MTNAP1: variants seen among roughly 807,000 people sequenced by gnomAD.
The protein encoded by MTNAP1 is mitochondrial nucleoid-associated protein 1.
At chr17:73,235,710 A>C in the MTNAP1 span, 7 of 1,614,028 alleles carry the variant, frequency 4.3e-6, no homozygotes, top group Non-Finnish European at 5.9e-6. Flanking sequence ...AGAATGAAGA[A>C]AGAAATTCTA....
chr17:73,234,277 C>G, the MTNAP1 span, among the ~76,000 whole-genome samples: 1 of 151,272 alleles, frequency 6.6e-6, no homozygotes, highest in Non-Finnish European at 1.5e-5. Context: ...ATTTTCTTTT[C>G]TGGACTCTAA....
chr17:73,232,635 T>TTGGC, the MTNAP1 span: 144 of 261,268 alleles, frequency 5.5e-4, no homozygotes, highest in African/African-American at 2.5e-3. Context: ...ACGAGGTTCC[T>TTGGC]TGGCCGGGGG....
chr17:73,242,419 G>A, the MTNAP1 span: 10 of 1,108,644 alleles, frequency 9.0e-6, no homozygotes, highest in East Asian at 2.0e-4. Context: ...TTCTCTTCGG[G>A]CTGTTAAGCA....
chr17:73,247,419 C>T, the MTNAP1 span: 1 of 1,403,672 alleles, frequency 7.1e-7, no homozygotes, highest in Non-Finnish European at 1.0e-6. Context: ...CTGAATTGCC[C>T]TGTAACACCT....
chr17:73,240,137 G>A, the MTNAP1 span, among the ~76,000 whole-genome samples: 78,123 of 152,024 alleles, frequency 0.51, 20,163 homozygotes, highest in East Asian at 0.62. Flanking sequence ...AATTACCAAG[G>A]TTATGAGACA....
chr17:73,245,620 A>T, the MTNAP1 span: 1 of 985,452 alleles, frequency 1.0e-6, no homozygotes, highest in Non-Finnish European at 1.2e-6. Flanking sequence ...AATTGGCAGA[A>T]AATAAGCCCA....
At chr17:73,238,435 T>G in the MTNAP1 span, among the ~76,000 whole-genome samples, 1 of 152,240 alleles carries the variant, frequency 6.6e-6, no homozygotes, top group Non-Finnish European at 1.5e-5. Context: ...TCTGGTAGAT[T>G]TTGCAAATGA....
At chr17:73,236,995 G>C in the MTNAP1 span, 2 of 1,542,568 alleles carry the variant, frequency 1.3e-6, no homozygotes, top group Non-Finnish European at 8.7e-7. Flanking sequence ...ACTCTCACAA[G>C]GTAAACAAGC....
chr17:73,240,037 G>A, the MTNAP1 span, among the ~76,000 whole-genome samples: 2 of 152,202 alleles, frequency 1.3e-5, no homozygotes, highest in East Asian at 3.8e-4. Flanking sequence ...ACCACAGATA[G>A]AAGTCAATAC....
the MTNAP1 span, chr17:73,245,048 C>T: frequency 1.1e-6 from 1 of 896,990 alleles, no homozygotes; most frequent in Non-Finnish European, 1.7e-6. Flanking sequence ...TCTCATTGTG[C>T]TTAATACTCT....
chr17:73,237,702 C>T, the MTNAP1 span, among the ~76,000 whole-genome samples: 2 of 144,502 alleles, frequency 1.4e-5, no homozygotes, highest in Non-Finnish European at 2.9e-5. Flanking sequence ...CCAGGTTGTA[C>T]AAGAAATAGG....
the MTNAP1 span, chr17:73,245,132 T>C: frequency 5.0e-6 from 8 of 1,609,496 alleles, no homozygotes; most frequent in African/African-American, 8.0e-5. Flanking sequence ...GGAAGTGGCC[T>C]CTCGGATCCT....
chr17:73,243,373 C>T, the MTNAP1 span, among the ~76,000 whole-genome samples: 77,499 of 151,516 alleles, frequency 0.51, 19,912 homozygotes, highest in East Asian at 0.62. Context: ...AGGCTGGTCT[C>T]GAACTGCCGA....
chr17:73,235,979 C>T, the MTNAP1 span: 1 of 1,614,182 alleles, frequency 6.2e-7, no homozygotes, highest in African/African-American at 1.3e-5. Context: ...CGATGTAATC[C>T]TTCAGAAGCT....
At chr17:73,244,686 T>A in the MTNAP1 span, 1 of 150,000 alleles carries the variant, frequency 6.7e-6, no homozygotes, top group Non-Finnish European at 1.5e-5. Flanking sequence ...CCAGCATAAT[T>A]CACACACTGG....
At chr17:73,242,781 A>T in the MTNAP1 span, 1 of 727,222 alleles carries the variant, frequency 1.4e-6, no homozygotes, top group Non-Finnish European at 2.3e-6. Context: ...ATGTGCGTGT[A>T]AATCTCTGAA....
the MTNAP1 span, among the ~76,000 whole-genome samples, chr17:73,241,391 G>C: frequency 1.3e-5 from 2 of 151,744 alleles, no homozygotes; most frequent in African/African-American, 4.8e-5. Context: ...ATCTCCTGAC[G>C]TCGTGATCCA....
the MTNAP1 span, chr17:73,248,305 G>A: frequency 1.7e-6 from 1 of 598,800 alleles, no homozygotes; most frequent in Non-Finnish European, 3.0e-6. Flanking sequence ...CGCTTCAGGT[G>A]TGAGGCGGGG....
chr17:73,241,024 T>C, the MTNAP1 span, among the ~76,000 whole-genome samples: 1 of 152,254 alleles, frequency 6.6e-6, no homozygotes, highest in Non-Finnish European at 1.5e-5. Context: ...TTGCTAAACC[T>C]GTTGTCGGTG....
Sources: gnomAD v4.1 joint callset for allele counts (sites outside exome capture counted in the v4.1 genomes callset) on GRCh38, gnomAD v4.1.1 for gene constraint, MANE v1.5 for transcripts, NCBI Gene and HGNC (gene_info 2026-07-23, HGNC 2026-07-21) for gene names.